The following CNTNAP2 variants were observed in gnomAD, a reference collection of about 807,000 sequenced individuals.
CNTNAP2 encodes contactin-associated protein-like 2.
Under a neutral mutation model 155.2 loss-of-function variants are expected in CNTNAP2, and 98 were observed. The observed-to-expected ratio is 0.63, with a 90% confidence interval of 0.54 to 0.75. CNTNAP2 has a LOEUF of 0.75. Ranked by LOEUF, CNTNAP2 falls within the 30% of genes least tolerant of loss-of-function variation. The pLI, the probability that CNTNAP2 is intolerant of heterozygous loss-of-function variation, is 0.00. For synonymous variants in CNTNAP2, 651 were observed against 631.2 expected (o/e 1.03, Z -0.47); for missense variants, 1,727 against 1,688.1 (o/e 1.02, Z -0.40).
At chr7:146,827,450 T>C (rs1803428344) in intron 2 of CNTNAP2, among the ~76,000 whole-genome samples, 1 of 151,992 alleles carries the variant, frequency 6.6e-6, no homozygotes, top group Non-Finnish European at 1.5e-5. Flanking sequence ...ACTTTCTGCA[T>C]CTTCACCGAG....
At chr7:147,754,011 C>CG (rs1237562409) in intron 13 of CNTNAP2, among the ~76,000 whole-genome samples, 2 of 151,932 alleles carry the variant, frequency 1.3e-5, no homozygotes, top group East Asian at 1.9e-4. Flanking sequence ...ACCCTGCAGC[C>CG]CTAAGTACCA....
chr7:147,923,253 T>A (rs755098430), intron 14 of CNTNAP2, among the ~76,000 whole-genome samples: 3 of 152,154 alleles, frequency 2.0e-5, no homozygotes, highest in Admixed American at 1.3e-4. Flanking sequence ...CAGGTTAAGA[T>A]GAAGTCATTA....
At chr7:148,250,911 A>G (rs1216129190) in intron 20 of CNTNAP2, among the ~76,000 whole-genome samples, 1 of 152,136 alleles carries the variant, frequency 6.6e-6, no homozygotes, top group East Asian at 1.9e-4. Flanking sequence ...GCAGTCACAC[A>G]ATCACAGCTC....
intron 1 of CNTNAP2, among the ~76,000 whole-genome samples, chr7:146,364,294 C>T (rs954537962): frequency 2.0e-5 from 3 of 152,062 alleles, no homozygotes; most frequent in Non-Finnish European, 2.9e-5. Context: ...GATCAGAGAG[C>T]TAAAAATTTA....
At chr7:147,528,680 G>T (rs931183090) in intron 11 of CNTNAP2, among the ~76,000 whole-genome samples, 2 of 152,186 alleles carry the variant, frequency 1.3e-5, no homozygotes, top group Non-Finnish European at 1.5e-5. Flanking sequence ...TCCTGGTCAA[G>T]GGAGCTAGGT....
rs62471723 is a variant in CNTNAP2, at chr7:148,110,963, G to A, written c.2384-7155G>A. 2.8e-3 allele frequency among the ~76,000 whole-genome samples: 426 copies of A among 152,292 alleles called. 1 individual carries two copies. The highest frequency in any genetic ancestry group is 4.3e-3 in the Non-Finnish European group (294 of 68,020). The stretch of plus-strand genomic sequence containing the variant: ...ATATATTCCTCATGAGGAAAGTAGC[G>A]GATTCTTCTCTCAAGATATTGAACA... On this transcript the variant is annotated intron_variant, in intron 15 of 23. Transcript: ENST00000361727.
At position 146,886,808 on chromosome 7, in the gene CNTNAP2, A is replaced by G. The variant is rs540991134; in HGVS notation, c.402+46904A>G. On this transcript the variant is annotated intron_variant, in intron 3 of 23. Transcript: ENST00000361727. ...CCTATGTCATGAGTGAATTCTCTTTATGCGTGAACACGAAATGGATTTTTC... is the reference window on the plus strand; with the variant it reads ...CCTATGTCATGAGTGAATTCTCTTTGTGCGTGAACACGAAATGGATTTTTC... 2.0e-5 allele frequency among the ~76,000 whole-genome samples: 3 copies of G among 150,518 alleles called. No individual in the cohort carries two copies. In the South Asian group the frequency reaches 6.4e-4, roughly 32 times the overall value.
chr7:146,120,426 G>A (rs1328309369), intron 1 of CNTNAP2, among the ~76,000 whole-genome samples: 1 of 152,050 alleles, frequency 6.6e-6, no homozygotes, highest in Admixed American at 6.6e-5. Flanking sequence ...AAGAATCATT[G>A]TTCAAATTTT....
At chr7:147,560,740 G>A (rs1387262697) in intron 11 of CNTNAP2, among the ~76,000 whole-genome samples, 1 of 151,126 alleles carries the variant, frequency 6.6e-6, no homozygotes, top group Non-Finnish European at 1.5e-5. Flanking sequence ...TGTGCAAAGG[G>A]AGGAAATGAG....
At chr7:147,695,631 G>C (rs1056360399) in intron 13 of CNTNAP2, among the ~76,000 whole-genome samples, 1 of 152,032 alleles carries the variant, frequency 6.6e-6, no homozygotes. Flanking sequence ...ATGAAACACT[G>C]TCTGTACTGA....
At chr7:147,297,717 C>G (rs769612907) in intron 8 of CNTNAP2, among the ~76,000 whole-genome samples, 36 of 152,160 alleles carry the variant, frequency 2.4e-4, no homozygotes, top group Non-Finnish European at 4.4e-4. Context: ...CTCAGTTATA[C>G]ATTTATAAAG....
At chr7:146,708,207 T>C (rs926303853) in intron 1 of CNTNAP2, among the ~76,000 whole-genome samples, 1 of 152,130 alleles carries the variant, frequency 6.6e-6, no homozygotes, top group Non-Finnish European at 1.5e-5. Flanking sequence ...GTGCTTCTGC[T>C]CACAAACCTG....
chr7:148,387,690 T>C (rs917855828), intron 22 of CNTNAP2, among the ~76,000 whole-genome samples: 3 of 152,170 alleles, frequency 2.0e-5, no homozygotes, highest in Non-Finnish European at 4.4e-5. Flanking sequence ...TAATCTTGTA[T>C]AGTGCTTCTC....
At chr7:146,275,807 A>C (rs542975822) in intron 1 of CNTNAP2, among the ~76,000 whole-genome samples, 2 of 152,306 alleles carry the variant, frequency 1.3e-5, no homozygotes, top group East Asian at 3.9e-4. Flanking sequence ...CGCATTTCCC[A>C]TTCCTACCTA....
intron 1 of CNTNAP2, among the ~76,000 whole-genome samples, chr7:146,516,825 T>G (rs973819786): frequency 6.6e-6 from 1 of 151,962 alleles, no homozygotes; most frequent in East Asian, 1.9e-4. Flanking sequence ...TTTTATTGGC[T>G]ATAAATGAAA....
intron 22 of CNTNAP2, among the ~76,000 whole-genome samples, chr7:148,408,374 G>A (rs981926168): frequency 2.0e-5 from 3 of 152,112 alleles, no homozygotes; most frequent in Non-Finnish European, 4.4e-5. Flanking sequence ...CAAGAGAAGA[G>A]GAGGAAAAAG....
chr7:146,811,249 T>C (rs957754054), intron 2 of CNTNAP2, among the ~76,000 whole-genome samples: 1 of 152,200 alleles, frequency 6.6e-6, no homozygotes. Flanking sequence ...AATTCACCAG[T>C]GATGCCATGT....
At chr7:146,884,651 G>T (rs1795621546) in intron 3 of CNTNAP2, among the ~76,000 whole-genome samples, 1 of 152,060 alleles carries the variant, frequency 6.6e-6, no homozygotes, top group Non-Finnish European at 1.5e-5. Flanking sequence ...TACAGGATGG[G>T]GCTGGAGGGC....
At chr7:147,315,901 C>G (rs2692163) in intron 9 of CNTNAP2, among the ~76,000 whole-genome samples, 74,555 of 151,732 alleles carry the variant, frequency 0.49, 19,471 homozygotes, top group East Asian at 0.73. Context: ...TGTAACAGTA[C>G]TTTATCCCTA....
Sources: gnomAD v4.1 joint callset for allele counts (sites outside exome capture counted in the v4.1 genomes callset) on GRCh38, gnomAD v4.1.1 for gene constraint, MANE v1.5 for transcripts, NCBI Gene and HGNC (gene_info 2026-07-23, HGNC 2026-07-21) for gene names.